Variants in MARCHF8 observed in about 807,000 individuals in gnomAD.
The protein encoded by MARCHF8 is E3 ubiquitin-protein ligase MARCHF8.
A neutral mutation model predicts 51.6 loss-of-function variants in MARCHF8; 40 were observed. The observed-to-expected ratio is 0.77, with a 90% CI of 0.60 to 1.01. The LOEUF is 1.01. MARCHF8 is among the 50% of genes least tolerant of loss of function. The probability of loss-of-function intolerance (pLI) is 0.00; values close to 1 mark genes in which losing one functional copy is unlikely to be tolerated. For missense variants in MARCHF8, 685 were observed against 708.6 expected (o/e 0.97, Z 0.38); for synonymous variants, 263 against 280.3 (o/e 0.94, Z 0.62).
At chr10:45,487,058 G>A (rs984878941) in intron 3 of MARCHF8, among the ~76,000 whole-genome samples, 6 of 151,790 alleles carry the variant, frequency 4.0e-5, no homozygotes, top group Admixed American at 1.3e-4. Flanking sequence ...TGATCCGCCC[G>A]CTTCAGCCTC....
At chr10:45,547,862 A>C (rs1332564902) in intron 1 of MARCHF8, among the ~76,000 whole-genome samples, 1 of 152,214 alleles carries the variant, frequency 6.6e-6, no homozygotes, top group Non-Finnish European at 1.5e-5. Flanking sequence ...TGGCAAAGAT[A>C]ATAAATTAGA....
Position 45,576,772 on chromosome 10 carries a change from TA to T in MARCHF8, c.-79+17462del, listed in dbSNP as rs79524510. 4.5e-3 allele frequency among the ~76,000 whole-genome samples: 510 copies of T among 112,428 alleles called. 4 individuals carry two copies. Among genetic ancestry groups the T allele is most frequent in the African/African-American group, 8.9e-3 (270 of 30,346 alleles). The allele number at this position is 112,428 out of a possible 152,430, so 73.8% of individuals were successfully genotyped here. On this transcript the variant is annotated intron_variant, in intron 1 of 6. Coordinates refer to the MARCHF8 transcript ENST00000319836. ...CTTCATCTCTACTACAAATAAAAAT[TA>T]AAAAAAAAAAAAAAAAACTAGCCAG... is the stretch of plus-strand genomic sequence containing the variant.
At position 45,457,454 on chromosome 10, in the gene MARCHF8, G is replaced by A. The variant is rs964096096; in HGVS notation, c.*785C>T. ...TAAAAAAAAAGCCTCTGGCCTGCTT[G>A]TCCTGTCTTAAAAGTCATGAGTCTG... On this transcript the variant is annotated 3_prime_UTR_variant, in exon 8 of 8. Coordinates refer to ENST00000453424, the MANE Select transcript of MARCHF8 (RefSeq NM_001282866.2). 6 of 152,574 alleles carry A rather than the reference G, an allele frequency of 3.9e-5. No individual in the cohort carries two copies. The highest frequency in any genetic ancestry group is 8.8e-5 in the Non-Finnish European group (6 of 68,024). 9.5% of individuals were successfully genotyped at this position (152,574 alleles called of 1,614,324 possible). A position where few individuals can be genotyped will look rare whatever the true frequency, so the allele number is the denominator to read the frequency against.
chr10:45,564,977 G>A (rs2044348161), intron 1 of MARCHF8, among the ~76,000 whole-genome samples: 1 of 105,758 alleles, frequency 9.5e-6, no homozygotes, highest in African/African-American at 3.6e-5. Flanking sequence ...ATAAAAACTA[G>A]GATCCACTAA....
intron 1 of MARCHF8, among the ~76,000 whole-genome samples, chr10:45,561,323 G>A (rs1444191576): frequency 1.3e-5 from 2 of 149,274 alleles, no homozygotes; most frequent in Non-Finnish European, 3.0e-5. Context: ...CACCCAGGCT[G>A]GAGTGCAGTG....
upstream of MARCHF8, among the ~76,000 whole-genome samples, chr10:45,539,091 G>A (rs1245796225): frequency 4.6e-5 from 7 of 152,172 alleles, no homozygotes; most frequent in South Asian, 1.0e-3. Context: ...CAGCAAATGT[G>A]AAAGAACAGA....
At chr10:45,567,620 T>C (rs2044379716) in intron 1 of MARCHF8, among the ~76,000 whole-genome samples, 1 of 152,214 alleles carries the variant, frequency 6.6e-6, no homozygotes, top group African/African-American at 2.4e-5. Context: ...TTCTCGGTTC[T>C]CTATTCTGTT....
At chr10:45,579,950 T>C (rs938141058) in intron 1 of MARCHF8, among the ~76,000 whole-genome samples, 7 of 136,680 alleles carry the variant, frequency 5.1e-5, no homozygotes, top group African/African-American at 2.0e-4. Context: ...GAGGCGGAGG[T>C]TGCAGTGAGC....
chr10:45,585,526 C>A (rs1037757004), intron 1 of MARCHF8, among the ~76,000 whole-genome samples: 1 of 151,924 alleles, frequency 6.6e-6, no homozygotes, highest in African/African-American at 2.4e-5. Flanking sequence ...GCATGCAGGG[C>A]AAAACAACAC....
At chr10:45,521,601 C>CA (rs762114869) in intron 2 of MARCHF8, among the ~76,000 whole-genome samples, 1 of 152,030 alleles carries the variant, frequency 6.6e-6, no homozygotes, top group African/African-American at 2.4e-5. Flanking sequence ...CATAAGATAA[C>CA]AAAAAATTTG....
At chr10:45,509,802 A>G (rs1008066583) in intron 2 of MARCHF8, among the ~76,000 whole-genome samples, 8 of 152,224 alleles carry the variant, frequency 5.3e-5, no homozygotes, top group Non-Finnish European at 1.2e-4. Context: ...CTTATAAATA[A>G]AACAGGTGAA....
chr10:45,465,643 A>G (rs982772929), intron 3 of MARCHF8, among the ~76,000 whole-genome samples: 3 of 152,150 alleles, frequency 2.0e-5, no homozygotes, highest in Non-Finnish European at 4.4e-5. Flanking sequence ...CACCCATCGC[A>G]TGGCTGCTCC....
intron 1 of MARCHF8, among the ~76,000 whole-genome samples, chr10:45,565,136 G>A (rs2044350588): frequency 6.6e-6 from 1 of 152,070 alleles, no homozygotes; most frequent in African/African-American, 2.4e-5. Context: ...TATAACATAG[G>A]TGTACATAAA....
At chr10:45,551,390 A>AT (rs1000500063) in intron 1 of MARCHF8, among the ~76,000 whole-genome samples, 5 of 151,616 alleles carry the variant, frequency 3.3e-5, no homozygotes, top group South Asian at 2.1e-4. Flanking sequence ...TGAGTTCAAC[A>AT]TTTTTTTTAG....
At chr10:45,553,421 T>G (rs1391692570) in intron 1 of MARCHF8, among the ~76,000 whole-genome samples, 1 of 152,190 alleles carries the variant, frequency 6.6e-6, no homozygotes, top group African/African-American at 2.4e-5. Context: ...ACTGGCCTTT[T>G]GCATCCTCCA....
chr10:45,584,126 CAT>C (rs55978063), intron 1 of MARCHF8, among the ~76,000 whole-genome samples: 3,747 of 85,006 alleles, frequency 0.044, 61 homozygotes, highest in East Asian at 0.072. Context: ...TATATACAAT[CAT>C]ATATATATAT....
rs896862921 is a variant in MARCHF8 at position 45,463,374 on chromosome 10, T to C, written c.865A>G (p.Thr289Ala). The C allele has an allele frequency of 2.2e-5, 34 of 1,550,612 alleles. No homozygotes were observed. Among genetic ancestry groups the C allele is most frequent in the Admixed American group, 2.0e-4 (10 of 50,988 alleles). Reference sequence around the variant, plus strand: ...GCCAGCCCGCTGGAGGACTTGGCAGTGTGCAGGCGAGCAGCGCAGCTCTCC... The same window carrying C: ...GCCAGCCCGCTGGAGGACTTGGCAGCGTGCAGGCGAGCAGCGCAGCTCTCC... Reference protein sequence around the residue: ...ELESCAARLHTAKSSSGLAGS... With the variant: ...ELESCAARLHAAKSSSGLAGS... The change falls in exon 5 of 8, where the codon ACT (threonine) becomes GCT (alanine). Residue 289 changes from threonine (T) to alanine (A), a missense_variant. Transcript: ENST00000453424.
At chr10:45,531,459 G>C (rs1246535964) in intron 2 of MARCHF8, among the ~76,000 whole-genome samples, 1 of 151,966 alleles carries the variant, frequency 6.6e-6, no homozygotes, top group Non-Finnish European at 1.5e-5. Context: ...AGTATTTAAA[G>C]AGAAAGTATT....
At chr10:45,545,779 G>A (rs1982795) in intron 1 of MARCHF8, among the ~76,000 whole-genome samples, 40,412 of 151,976 alleles carry the variant, frequency 0.27, 5,615 homozygotes, top group South Asian at 0.37. Flanking sequence ...ATATGCTACT[G>A]CACTAGTATC....
Sources: allele counts gnomAD v4.1 joint callset (sites outside exome capture counted in the v4.1 genomes callset), GRCh38; gene constraint gnomAD v4.1.1; transcripts MANE v1.5; gene names NCBI Gene and HGNC (gene_info 2026-07-23, HGNC 2026-07-21).